Variants in MARCHF1 observed in about 807,000 individuals in gnomAD.
The protein encoded by MARCHF1 is membrane associated ring-CH-type finger 1, also known as E3 ubiquitin-protein ligase MARCHF1.
A neutral mutation model predicts 54.2 loss-of-function variants in MARCHF1; 40 were observed. The ratio of observed to expected loss-of-function variants is 0.74; its 90% CI spans 0.57 to 0.96. The LOEUF (loss-of-function observed/expected upper bound fraction) is 0.96. Ranked by LOEUF, MARCHF1 falls within the 40% of genes least tolerant of loss-of-function variation. The probability of loss-of-function intolerance (pLI) is 0.00; values close to 1 mark genes in which losing one functional copy is unlikely to be tolerated. For missense variants in MARCHF1, 586 were observed against 656.5 expected, an observed-to-expected ratio of 0.89 and a Z score of 1.17; for synonymous variants, 236 against 236.3, an observed-to-expected ratio of 1.00 and a Z score of 0.01.
chr4:163,575,667 C>G lies in MARCHF1; in HGVS notation c.1191+10082G>C, dbSNP rs369391097. 3.9e-5 allele frequency among the ~76,000 whole-genome samples: 6 copies of G among 151,910 alleles called. No homozygotes were observed. In the East Asian group the frequency reaches 1.2e-3, roughly 29 times the overall value. ...TAGCTGGTATAATTTAGCTGTAAAT[C>G]CATCTGGTTTGGGGCTTTTTAAATT... On this transcript the variant is annotated intron_variant, in intron 8 of 9. Transcript: ENST00000514618.
intron 5 of MARCHF1, among the ~76,000 whole-genome samples, chr4:163,642,493 T>C (rs565362611): frequency 4.5e-4 from 69 of 152,346 alleles, no homozygotes; most frequent in African/African-American, 1.6e-3. Context: ...GTGAATCTCA[T>C]TGAATTTATA....
At chr4:163,722,517 G>C (rs1342452427) in intron 4 of MARCHF1, among the ~76,000 whole-genome samples, 1 of 152,182 alleles carries the variant, frequency 6.6e-6, no homozygotes, top group African/African-American at 2.4e-5. Context: ...TTGATTTGGG[G>C]TGGAGAGTTC....
intron 1 of MARCHF1, among the ~76,000 whole-genome samples, chr4:164,300,634 T>C (rs1734531615): frequency 6.6e-6 from 1 of 152,124 alleles, no homozygotes; most frequent in African/African-American, 2.4e-5. Context: ...CGTGACCTCC[T>C]GGGCTCAAGC....
At chr4:163,653,547 T>C (rs1743042312) in intron 5 of MARCHF1, among the ~76,000 whole-genome samples, 1 of 151,536 alleles carries the variant, frequency 6.6e-6, no homozygotes, top group African/African-American at 2.4e-5. Flanking sequence ...TGTAGGGTGA[T>C]AGTGATAGAG....
At chr4:163,940,316 T>C (rs1751886165) in intron 3 of MARCHF1, among the ~76,000 whole-genome samples, 1 of 152,182 alleles carries the variant, frequency 6.6e-6, no homozygotes, top group South Asian at 2.1e-4. Flanking sequence ...ATTATTTGTG[T>C]CTTCCGTTGT....
At chr4:163,822,227 A>G (rs1748712993) in intron 4 of MARCHF1, among the ~76,000 whole-genome samples, 1 of 151,864 alleles carries the variant, frequency 6.6e-6, no homozygotes, top group Non-Finnish European at 1.5e-5. Flanking sequence ...CACTCTGCAC[A>G]TTGGATCACA....
At chr4:164,064,750 T>G (rs1031626676) in intron 2 of MARCHF1, among the ~76,000 whole-genome samples, 1 of 152,164 alleles carries the variant, frequency 6.6e-6, no homozygotes, top group Non-Finnish European at 1.5e-5. Context: ...ATGCTTCCAG[T>G]TTTTTCCCAT....
intron 4 of MARCHF1, among the ~76,000 whole-genome samples, chr4:163,764,332 C>T (rs910603683): frequency 6.6e-6 from 1 of 151,952 alleles, no homozygotes; most frequent in East Asian, 1.9e-4. Flanking sequence ...ATGAAAAAGA[C>T]TATGTAAGGG....
chr4:164,033,088 C>T (rs1753912746), intron 2 of MARCHF1, among the ~76,000 whole-genome samples: 1 of 150,920 alleles, frequency 6.6e-6, no homozygotes, highest in Admixed American at 6.6e-5. Flanking sequence ...GTGCTGAGGT[C>T]GTTTGAACCC....
chr4:163,999,426 G>A (rs889498011), intron 2 of MARCHF1, among the ~76,000 whole-genome samples: 1 of 151,586 alleles, frequency 6.6e-6, no homozygotes, highest in East Asian at 1.9e-4. Context: ...AATAACAATT[G>A]AGTATATTTC....
chr4:164,011,082 C>G (rs768205089), intron 2 of MARCHF1, among the ~76,000 whole-genome samples: 1 of 152,026 alleles, frequency 6.6e-6, no homozygotes, highest in Non-Finnish European at 1.5e-5. Context: ...TAAAACTAGA[C>G]CCCTATTCTC....
At chr4:163,778,310 A>AAT (rs1312115804) in intron 4 of MARCHF1, among the ~76,000 whole-genome samples, 4 of 152,290 alleles carry the variant, frequency 2.6e-5, no homozygotes, top group African/African-American at 9.6e-5. Context: ...TTATGTGATA[A>AAT]ATATATATTT....
intron 1 of MARCHF1, among the ~76,000 whole-genome samples, chr4:164,117,708 T>C (rs532848428): frequency 2.5e-4 from 38 of 152,136 alleles, no homozygotes; most frequent in Admixed American, 2.1e-3. Context: ...AAGACTAGCC[T>C]GGCCAATGTG....
intron 1 of MARCHF1, among the ~76,000 whole-genome samples, chr4:164,294,449 T>G (rs1475295743): frequency 6.6e-6 from 1 of 152,206 alleles, no homozygotes; most frequent in Non-Finnish European, 1.5e-5. Flanking sequence ...ACCAACGGAC[T>G]GGAGTTTATG....
chr4:163,742,988 T>C (rs1375152409), intron 4 of MARCHF1, among the ~76,000 whole-genome samples: 1 of 152,222 alleles, frequency 6.6e-6, no homozygotes, highest in Non-Finnish European at 1.5e-5. Flanking sequence ...AACTAAAAAA[T>C]TGACATTTCA....
At chr4:164,140,244 T>C (rs1437831426) in intron 1 of MARCHF1, among the ~76,000 whole-genome samples, 1 of 150,530 alleles carries the variant, frequency 6.6e-6, no homozygotes, top group Non-Finnish European at 1.5e-5. Context: ...ACACACTATA[T>C]ATATATATAT....
At chr4:163,640,602 C>G (rs1005650695) in intron 5 of MARCHF1, among the ~76,000 whole-genome samples, 2 of 152,012 alleles carry the variant, frequency 1.3e-5, no homozygotes. Context: ...TAAAGTATAT[C>G]CAATCATATT....
intron 3 of MARCHF1, among the ~76,000 whole-genome samples, chr4:163,928,131 T>A (rs1223423321): frequency 6.6e-6 from 1 of 151,928 alleles, no homozygotes. Flanking sequence ...CATGTAATTC[T>A]CTACAGTAGA....
intron 1 of MARCHF1, among the ~76,000 whole-genome samples, chr4:164,283,637 T>A (rs1179420678): frequency 6.6e-6 from 1 of 150,980 alleles, no homozygotes; most frequent in Admixed American, 6.7e-5. Flanking sequence ...AGAATGCGTG[T>A]ACTCATTAAA....
Sources: gnomAD v4.1 joint callset for allele counts (sites outside exome capture counted in the v4.1 genomes callset) on GRCh38, gnomAD v4.1.1 for gene constraint, MANE v1.5 for transcripts, NCBI Gene and HGNC (gene_info 2026-07-23, HGNC 2026-07-21) for gene names.